Variants in CHRM5 observed in about 807,000 individuals in gnomAD.
CHRM5 encodes cholinergic receptor muscarinic 5.
Under a neutral mutation model 39.0 loss-of-function variants are expected in CHRM5, and 18 were observed. The observed-to-expected ratio is 0.46, with a 90% CI of 0.32 to 0.68. CHRM5 has a LOEUF of 0.68. CHRM5 is among the 30% of genes least tolerant of loss of function. The pLI is 0.04. For synonymous variants in CHRM5, 241 were observed against 246.3 expected, an observed-to-expected ratio of 0.98 and a Z score of 0.20; for missense variants, 515 against 651.1, an observed-to-expected ratio of 0.79 and a Z score of 2.28.
intron 1 of CHRM5, among the ~76,000 whole-genome samples, chr15:34,001,968 A>G (rs1349904981): frequency 1.3e-5 from 2 of 152,196 alleles, no homozygotes; most frequent in South Asian, 2.1e-4. Flanking sequence ...TGCATCCTTT[A>G]TATCTTTTTA....
intron 1 of CHRM5, among the ~76,000 whole-genome samples, chr15:34,001,133 G>T (rs547820337): frequency 6.6e-6 from 1 of 150,484 alleles, no homozygotes; most frequent in African/African-American, 2.5e-5. Context: ...CAATTCTCCT[G>T]CCTCAGCCTC....
chr15:34,013,165 G>A (rs113540998), intron 1 of CHRM5, among the ~76,000 whole-genome samples: 15,427 of 151,886 alleles, frequency 0.1, 873 homozygotes, highest in East Asian at 0.24. Flanking sequence ...GGGTTCAAGC[G>A]ATTCTCATGT....
rs556813723 is a variant in CHRM5 at position 33,983,675 on chromosome 15, G to T, written c.-408+14525G>T. On this transcript the variant is annotated intron_variant, in intron 1 of 2. Coordinates refer to ENST00000383263, the MANE Select transcript of CHRM5 (RefSeq NM_012125.4). Reference sequence around the variant, plus strand: ...CTCCTTCCATGGATGAAGCTTACTCGCATCGTCTTGAGTGTGAGCAGGACT... The same window carrying T: ...CTCCTTCCATGGATGAAGCTTACTCTCATCGTCTTGAGTGTGAGCAGGACT... 2.0e-4 allele frequency among the ~76,000 whole-genome samples: 31 copies of T among 152,156 alleles called. 2 individuals carry two copies. In the South Asian group the frequency reaches 4.0e-3, roughly 19 times the overall value.
chr15:33,973,023 C>T (rs535000782), intron 1 of CHRM5, among the ~76,000 whole-genome samples: 40 of 152,326 alleles, frequency 2.6e-4, no homozygotes, highest in Non-Finnish European at 5.6e-4. Context: ...TGGTTCATTA[C>T]AACCAATGGG....
intron 1 of CHRM5, among the ~76,000 whole-genome samples, chr15:33,978,440 G>T (rs900721098): frequency 1.3e-5 from 2 of 152,148 alleles, no homozygotes; most frequent in Admixed American, 1.3e-4. Context: ...GAGGTGGGAG[G>T]ATCACCTGAG....
At chr15:33,993,568 C>T (rs1896813802) in intron 1 of CHRM5, among the ~76,000 whole-genome samples, 1 of 152,280 alleles carries the variant, frequency 6.6e-6, no homozygotes. Context: ...ATTAGAAATC[C>T]ACTTTTAAAG....
At chr15:34,016,248 A>G (rs116401870) in intron 1 of CHRM5, among the ~76,000 whole-genome samples, 2,182 of 152,362 alleles carry the variant, frequency 0.014, 50 homozygotes, top group African/African-American at 0.048. Context: ...AAACAAAAAC[A>G]AAAACAAAAC....
At position 34,046,813 on chromosome 15, in the gene CHRM5, C is replaced by CG. The variant is rs1567487389; in HGVS notation, c.-132dup. ...AACAAAGAAAAGCAGGGTGGGGTGA[C>CG]GGCCCACCTGGGAGCAGCACAGAGC... On this transcript the variant is annotated 5_prime_UTR_variant, in exon 2 of 3. Coordinates refer to ENST00000383263, the MANE Select transcript of CHRM5 (RefSeq NM_012125.4). 1 of 152,376 alleles carries CG rather than the reference C, an allele frequency of 6.6e-6. No homozygotes were observed. The highest frequency in any genetic ancestry group is 1.9e-4 in the East Asian group (1 of 5,198). 9.4% of individuals were successfully genotyped at this position (152,376 alleles called of 1,614,324 possible).
chr15:34,003,093 G>C, intron 1 of CHRM5: 2 of 1,613,852 alleles, frequency 1.2e-6, no homozygotes, highest in Non-Finnish European at 1.7e-6. Flanking sequence ...TTTCATTATT[G>C]ACCTCTTTTT....
intron 1 of CHRM5, among the ~76,000 whole-genome samples, chr15:33,996,600 T>C (rs1896947942): frequency 6.6e-6 from 1 of 152,166 alleles, no homozygotes; most frequent in Non-Finnish European, 1.5e-5. Flanking sequence ...CCAACAGACC[T>C]GCAGCTGAGG....
intron 1 of CHRM5, among the ~76,000 whole-genome samples, chr15:33,975,611 G>A (rs982468200): frequency 6.6e-6 from 1 of 152,232 alleles, no homozygotes; most frequent in Non-Finnish European, 1.5e-5. Context: ...AGAATTCAGT[G>A]TGAGAAAACA....
chr15:33,969,591 T>C (rs1424371777), intron 1 of CHRM5, among the ~76,000 whole-genome samples: 1 of 152,058 alleles, frequency 6.6e-6, no homozygotes, highest in African/African-American at 2.4e-5. Context: ...AAAAGCTCAA[T>C]GACTGATTTC....
At chr15:34,049,319 C>T (rs577038374) in intron 2 of CHRM5, among the ~76,000 whole-genome samples, 1 of 152,224 alleles carries the variant, frequency 6.6e-6, no homozygotes, top group African/African-American at 2.4e-5. Context: ...GAAAACAATG[C>T]AGGAGCTGAC....
chr15:34,011,470 T>C (rs1020985193), intron 1 of CHRM5, among the ~76,000 whole-genome samples: 3 of 152,200 alleles, frequency 2.0e-5, no homozygotes, highest in African/African-American at 7.2e-5. Flanking sequence ...ACAATGTACA[T>C]AATAATAAAT....
At chr15:33,988,100 G>C (rs1272017505) in intron 1 of CHRM5, among the ~76,000 whole-genome samples, 1 of 152,214 alleles carries the variant, frequency 6.6e-6, no homozygotes, top group African/African-American at 2.4e-5. Flanking sequence ...TTCTGTCCAG[G>C]TGCCTGCCTC....
intron 1 of CHRM5, among the ~76,000 whole-genome samples, chr15:34,029,362 G>A (rs1286553484): frequency 3.9e-5 from 6 of 152,042 alleles, no homozygotes; most frequent in Non-Finnish European, 7.3e-5. Context: ...TCCCTTGGCT[G>A]ACTACCAGAA....
intron 1 of CHRM5, among the ~76,000 whole-genome samples, chr15:33,982,055 C>A (rs930441835): frequency 6.6e-6 from 1 of 151,042 alleles, no homozygotes; most frequent in Non-Finnish European, 1.5e-5. Context: ...TTAGTAGAGA[C>A]AAGATTTCAC....
intron 1 of CHRM5, among the ~76,000 whole-genome samples, chr15:34,005,160 T>C (rs1015431846): frequency 1.7e-4 from 26 of 152,184 alleles, no homozygotes; most frequent in Non-Finnish European, 3.2e-4. Flanking sequence ...TACTTCTTTT[T>C]GGTCACTAGA....
chr15:33,990,504 T>G (rs1207043374), intron 1 of CHRM5, among the ~76,000 whole-genome samples: 2 of 152,246 alleles, frequency 1.3e-5, no homozygotes, highest in African/African-American at 4.8e-5. Context: ...GGAATACAAC[T>G]TAAACTCAGA....
Sources: gnomAD v4.1 joint callset for allele counts (sites outside exome capture counted in the v4.1 genomes callset) on GRCh38, gnomAD v4.1.1 for gene constraint, MANE v1.5 for transcripts, NCBI Gene and HGNC (gene_info 2026-07-23, HGNC 2026-07-21) for gene names.